The following MALT1 variants were observed in gnomAD, a reference collection of about 807,000 sequenced individuals.
MALT1 encodes the protein mucosa-associated lymphoid tissue lymphoma translocation protein 1.
Under a neutral mutation model 85.5 loss-of-function variants are expected in MALT1, and 36 were observed. That is an observed-to-expected ratio of 0.42 (90% CI 0.32 to 0.56). The LOEUF is 0.56. Among genes scored for constraint, MALT1 ranks in the 20% least tolerant of loss-of-function variants. MALT1 has a pLI of 0.10. For synonymous variants in MALT1, 359 were observed against 361.3 expected (o/e 0.99, Z 0.07); for missense variants, 716 against 981.6 (o/e 0.73, Z 3.62).
intron 9 of MALT1, among the ~76,000 whole-genome samples, chr18:58,722,825 G>T (rs979337719): frequency 6.6e-6 from 1 of 152,142 alleles, no homozygotes; most frequent in African/African-American, 2.4e-5. Flanking sequence ...TCTCAAAAGT[G>T]TGAATATGCT....
intron 10 of MALT1, among the ~76,000 whole-genome samples, chr18:58,729,722 A>G (rs8089007): frequency 0.96 from 146,065 of 152,282 alleles, 70,331 homozygotes; most frequent in East Asian, 1. Flanking sequence ...TACAGGTTGA[A>G]TATCTCTAAT....
At chr18:58,680,942 A>T (rs931036848) in intron 1 of MALT1, among the ~76,000 whole-genome samples, 1 of 151,308 alleles carries the variant, frequency 6.6e-6, no homozygotes, top group African/African-American at 2.4e-5. Flanking sequence ...AAAAAAAAAA[A>T]AAAAAAAAAA....
chr18:58,701,672 C>G (rs957916134), intron 4 of MALT1, among the ~76,000 whole-genome samples: 3 of 152,164 alleles, frequency 2.0e-5, no homozygotes, highest in African/African-American at 4.8e-5. Context: ...GCCCCTGACC[C>G]CAAACTACTT....
Position 58,714,184 on chromosome 18 carries a change from CTT to C in MALT1, c.985+78_985+79del, listed in dbSNP as rs1243397796. The stretch of plus-strand genomic sequence containing the variant: ...ATGCAGCAAAGTTACCGTAGGTACT[CTT>C]TTGCTACAGTAATACTAGTAACTTT... On this transcript the variant is annotated intron_variant, in intron 8 of 16. Transcript: ENST00000649217. 1.7e-4 allele frequency: 114 copies of C among 689,618 alleles called. 1 individual carries two copies. The East Asian group carries it at 3.2e-3, about 20-fold the overall frequency. 42.7% of individuals were successfully genotyped at this position (689,618 alleles called of 1,614,324 possible).
At chr18:58,728,509 G>A (rs1308321818) in intron 10 of MALT1, among the ~76,000 whole-genome samples, 1 of 152,176 alleles carries the variant, frequency 6.6e-6, no homozygotes, top group East Asian at 1.9e-4. Flanking sequence ...GGAGGCTAAG[G>A]TGGGAGGATA....
intron 12 of MALT1, 87 bp downstream of exon 12, chr18:58,734,468 C>CT: frequency 9.8e-7 from 1 of 1,017,386 alleles, no homozygotes; most frequent in Non-Finnish European, 1.6e-6. Context: ...GGTCTTAACT[C>CT]TGTCACCCAG....
intron 4 of MALT1, among the ~76,000 whole-genome samples, chr18:58,701,774 C>T (rs569290111): frequency 6.6e-6 from 1 of 152,308 alleles, no homozygotes; most frequent in African/African-American, 2.4e-5. Flanking sequence ...ATCTTTTGAA[C>T]GTATTTCTAT....
intron 13 of MALT1, chr18:58,741,513 AT>A (rs2055301675): frequency 6.4e-6 from 1 of 155,068 alleles, no homozygotes; most frequent in Admixed American, 6.5e-5. Flanking sequence ...AGGATAAACT[AT>A]AACTTAAATA....
At chr18:58,743,931 A>G (rs891003368) in intron 14 of MALT1, among the ~76,000 whole-genome samples, 10 of 152,172 alleles carry the variant, frequency 6.6e-5, no homozygotes, top group Non-Finnish European at 1.2e-4. Context: ...AATATTAACT[A>G]TGATAGAAAA....
chr18:58,710,439 T>A (rs1255472034), intron 6 of MALT1, among the ~76,000 whole-genome samples: 1 of 152,174 alleles, frequency 6.6e-6, no homozygotes, highest in African/African-American at 2.4e-5. Flanking sequence ...ATCCCATCAC[T>A]TTTGGAGGCC....
intron 4 of MALT1, among the ~76,000 whole-genome samples, chr18:58,707,739 A>T (rs8085121): frequency 0.012 from 1,841 of 152,352 alleles, 40 homozygotes; most frequent in African/African-American, 0.042. Flanking sequence ...TTTTATGCTC[A>T]GGAACTAGAC....
intron 2 of MALT1, among the ~76,000 whole-genome samples, chr18:58,682,174 A>G (rs908551108): frequency 6.6e-6 from 1 of 152,216 alleles, no homozygotes; most frequent in Non-Finnish European, 1.5e-5. Flanking sequence ...ATTTCAATAT[A>G]TAACCAGCTT....
rs778246927 is a variant in MALT1, at chr18:58,710,063, A to G, written c.916A>G (p.Ile306Val). 1.2e-6 allele frequency: 2 copies of G among 1,603,136 alleles called. No homozygotes were observed. The highest frequency in any genetic ancestry group is 1.7e-6 in the Non-Finnish European group (2 of 1,170,486). The change falls in exon 6 of 17, where the codon ATC (isoleucine) becomes GTC (valine). Residue 306 changes from isoleucine (I) to valine (V), a missense_variant. This residue lies in a region of MALT1 where 290 missense variants were observed against 380.5 expected (regional missense o/e 0.76). Transcript: ENST00000649217. ...RDSQDSKKVEIIIGRTDEAVE... is the reference protein window; with the variant it reads ...RDSQDSKKVEVIIGRTDEAVE... ...CAGTCAAGATAGCAAGAAGGTAGAA[A>G]TCATCATAGGTAAGAAGTATTTCCC...
chr18:58,684,044 C>A (rs908885165), intron 2 of MALT1, among the ~76,000 whole-genome samples: 2 of 152,106 alleles, frequency 1.3e-5, no homozygotes, highest in African/African-American at 4.8e-5. Flanking sequence ...GCAATCCTCC[C>A]GCCTCAGCCT....
Position 58,709,524 on chromosome 18 carries a change from C to A in MALT1, c.796C>A (p.Pro266Thr). The change falls in exon 5 of 17, where the codon CCA (proline) becomes ACA (threonine). Residue 266 changes from proline (P) to threonine (T), a missense_variant. Around this residue, in one of 4 missense-constraint regions of MALT1, gnomAD observed 290 missense variants for 380.5 expected, o/e 0.76. Coordinates refer to ENST00000649217, the MANE Select transcript of MALT1 (RefSeq NM_006785.4). ...CTACCAGTGGTTCAAAAATGAATTA[C>A]CATTAACACATGAGACCAAAAAGCT... is the stretch of plus-strand genomic sequence containing the variant. Reference protein sequence around the residue: ...PHYQWFKNELPLTHETKKLYM... With the variant: ...PHYQWFKNELTLTHETKKLYM... 6.2e-7 allele frequency: 1 copy of A among 1,610,412 alleles called. No homozygotes were observed. The highest frequency in any genetic ancestry group is 1.1e-5 in the South Asian group (1 of 90,208).
intron 1 of MALT1, among the ~76,000 whole-genome samples, chr18:58,676,352 T>C (rs1234494593): frequency 2.0e-5 from 3 of 152,148 alleles, no homozygotes; most frequent in Admixed American, 2.0e-4. Flanking sequence ...GCAACATAGA[T>C]AGACCCCATT....
chr18:58,734,111 C>A, intron 11 of MALT1, 196 bp from the exon 12 acceptor site: 2 of 1,333,798 alleles, frequency 1.5e-6, no homozygotes, highest in Non-Finnish European at 1.9e-6. Flanking sequence ...AAATGCAACT[C>A]TAGTTTTAAA....
chr18:58,705,114 T>C (rs1249169105), intron 4 of MALT1, among the ~76,000 whole-genome samples: 1 of 152,194 alleles, frequency 6.6e-6, no homozygotes, highest in Non-Finnish European at 1.5e-5. Context: ...TGTTATTTTT[T>C]AGTGGCTGTT....
intron 2 of MALT1, among the ~76,000 whole-genome samples, chr18:58,682,909 T>C (rs1309877477): frequency 6.6e-6 from 1 of 152,242 alleles, no homozygotes; most frequent in Non-Finnish European, 1.5e-5. Context: ...CTGTATTGGA[T>C]GCTTGCTTTC....
Sources: allele counts gnomAD v4.1 joint callset (sites outside exome capture counted in the v4.1 genomes callset), GRCh38; gene constraint gnomAD v4.1.1; regional missense constraint gnomAD v4.1.1; transcripts MANE v1.5; gene names NCBI Gene and HGNC (gene_info 2026-07-23, HGNC 2026-07-21).